BRD1: variants seen among roughly 807,000 people sequenced by gnomAD.
BRD1 encodes bromodomain containing 1.
BRD1 carries 24 observed loss-of-function variants against 107.7 expected under a neutral mutation model. The observed-to-expected ratio is 0.22, with a 90% CI of 0.16 to 0.31. The LOEUF is 0.31. Among genes scored for constraint, BRD1 ranks in the 10% least tolerant of loss-of-function variants. BRD1 has a pLI of 1.00. For missense variants in BRD1, 1,279 were observed against 1,638.6 expected (o/e 0.78, Z 3.79); for synonymous variants, 744 against 686.1 (o/e 1.08, Z -1.32).
intron 4 of BRD1, 75 bp downstream of exon 4, chr22:49,798,913 C>CT: frequency 1.3e-6 from 2 of 1,524,424 alleles, no homozygotes; most frequent in Non-Finnish European, 1.8e-6. Context: ...AGCCCACCCT[C>CT]TGCAGGAGCT....
intron 2 of BRD1, chr22:49,817,716 T>C (rs2059980863): frequency 4.7e-6 from 1 of 211,620 alleles, no homozygotes. Context: ...ATTCCAGGGG[T>C]CAATGTTTCT....
At position 49,787,449 on chromosome 22, in the gene BRD1, C is replaced by T. The variant is rs140147452; in HGVS notation, c.2798G>A (p.Arg933Gln). 28 of 1,614,064 alleles carry T rather than the reference C, an allele frequency of 1.7e-5. No individual in the cohort carries two copies. Among genetic ancestry groups the T allele is most frequent in the Non-Finnish European group, 2.2e-5 (26 of 1,180,052 alleles). ...CACCTCGGAGTCTCCGCATGTGCTC[C>T]GCGACCTTTTCCTTGGCTGCAGAAG... ...ETLLQPRKRS[R>Q]STCGDSEVEE... is the part of the protein sequence containing the mutation. The change falls in exon 8 of 13, where the codon CGG becomes CAG. Residue 933 changes from arginine (R) to glutamine (Q), a missense_variant. This residue lies in a region of BRD1 where 263 missense variants were observed against 251.6 expected (regional missense o/e 1.05). Coordinates refer to ENST00000404760, the MANE Select transcript of BRD1 (RefSeq NM_001304808.3).
intron 8 of BRD1, among the ~76,000 whole-genome samples, chr22:49,782,672 T>A (rs1021850167): frequency 6.9e-6 from 1 of 145,588 alleles, no homozygotes; most frequent in Non-Finnish European, 1.5e-5. Flanking sequence ...TCCGCGACAA[T>A]GCAGCTGGGA....
intron 8 of BRD1, among the ~76,000 whole-genome samples, chr22:49,782,819 G>C (rs1028167027): frequency 7.2e-6 from 1 of 139,100 alleles, no homozygotes; most frequent in African/African-American, 2.8e-5. Flanking sequence ...AGCTGGGACG[G>C]TCAGAGACAG....
rs145348828 is a variant in BRD1, at chr22:49,785,309, G to A, written c.2857+2081C>T. ...TCCTGCTGAGTGTCGACGGGAGGCCGCCTCAAACCCCAGCCCCACGGCCGG... is the reference window on the plus strand; with the variant it reads ...TCCTGCTGAGTGTCGACGGGAGGCCACCTCAAACCCCAGCCCCACGGCCGG... On this transcript the variant is annotated intron_variant, in intron 8 of 12. Coordinates refer to ENST00000404760, the MANE Select transcript of BRD1 (RefSeq NM_001304808.3). Among the ~76,000 whole-genome samples the A allele has an allele frequency of 1.7e-3, 253 of 152,346 alleles. 1 individual carries two copies. The highest frequency in any genetic ancestry group is 3.8e-3 in the African/African-American group (160 of 41,590).
chr22:49,806,459 AG>A (rs1340317514), intron 2 of BRD1: 3 of 152,254 alleles, frequency 2.0e-5, no homozygotes, highest in African/African-American at 7.2e-5. Flanking sequence ...AATTAGAGTG[AG>A]GAAGAGCATG....
In BRD1 at chr22:49,799,017, G is replaced by T. The variant is rs774744137; in HGVS notation, c.1627C>A (p.Arg543Ser). 1.2e-6 allele frequency: 2 copies of T among 1,610,518 alleles called. No homozygotes were observed. Among genetic ancestry groups the T allele is most frequent in the Non-Finnish European group, 1.7e-6 (2 of 1,179,526 alleles). The change falls in exon 4 of 13, where the codon CGC becomes AGC. Residue 543 changes from arginine (R) to serine (S), a missense_variant. Transcript: ENST00000404760. ...ERARLLIELL[R>S]KREKLKREQV... is the part of the protein sequence containing the mutation. ...TCACGCTTGAGCTTCTCCCGCTTGC[G>T]CAGCAGCTCGATCAGCAGGCGAGCG...
At chr22:49,775,381 C>T (rs371600331) in intron 12 of BRD1, 38 of 412,272 alleles carry the variant, frequency 9.2e-5, no homozygotes, top group South Asian at 4.6e-4. Context: ...GAGACAGACC[C>T]GGTGCTCAGT....
In BRD1 at chr22:49,774,289, T is replaced by C. The variant is rs941687537; in HGVS notation, c.3514A>G (p.Asn1172Asp). 1.2e-6 allele frequency: 2 copies of C among 1,614,118 alleles called. No homozygotes were observed. Among genetic ancestry groups the C allele is most frequent in the African/African-American group, 1.3e-5 (1 of 74,956 alleles). The change falls in exon 13 of 13, where the codon AAC becomes GAC. Residue 1172 changes from asparagine (N) to aspartate (D), a missense_variant. Coordinates refer to ENST00000404760, the MANE Select transcript of BRD1 (RefSeq NM_001304808.3). ...AVRIAFDRAM[N>D]HLSRVHGEPT... is the part of the protein sequence containing the mutation. ...TCCCCGTGGACGCGGCTCAGGTGGT[T>C]CATGGCGCGGTCAAAAGCGATCCGC...
rs1470807304 is a variant in BRD1 at position 49,794,168 on chromosome 22, T to A, written c.2225A>T (p.Lys742Met). Residue 742 changes from lysine to methionine, a missense_variant, in exon 7 of 13, where the codon AAG becomes ATG. By Grantham distance (95) the Lys-to-Met change is moderately conservative. Transcript: ENST00000404760. ...AAGGGCAATTTCCTTTTTGAGCAGCTTTGCCCGCTTGCTCCGGGAGCCGCT... is the reference window on the plus strand; with the variant it reads ...AAGGGCAATTTCCTTTTTGAGCAGCATTGCCCGCTTGCTCCGGGAGCCGCT... ...KSSGSRSKRA[K>M]LLKKEIALLR... 6.2e-7 allele frequency: 1 copy of A among 1,614,130 alleles called. No individual in the cohort carries two copies. Among genetic ancestry groups the A allele is most frequent in the Non-Finnish European group, 8.5e-7 (1 of 1,180,054 alleles).
At chr22:49,813,528 T>C (rs966659760) in intron 2 of BRD1, among the ~76,000 whole-genome samples, 2 of 151,564 alleles carry the variant, frequency 1.3e-5, no homozygotes, top group East Asian at 4.0e-4. Flanking sequence ...AGCCTTTTAT[T>C]TTTATTAAAA....
intron 11 of BRD1, 80 bp from the exon 12 acceptor site, chr22:49,775,825 GCC>G: frequency 1.1e-6 from 1 of 937,092 alleles, no homozygotes; most frequent in African/African-American, 3.8e-5. Flanking sequence ...ACCCCCCCCC[GCC>G]TCCCCACCCC....
intron 2 of BRD1, among the ~76,000 whole-genome samples, chr22:49,814,162 G>A (rs553586367): frequency 6.6e-6 from 1 of 152,166 alleles, no homozygotes; most frequent in African/African-American, 2.4e-5. Flanking sequence ...AGAACAGGGG[G>A]CTCTCTCCAA....
intron 4 of BRD1, 78 bp downstream of exon 4, chr22:49,798,910 C>G: frequency 6.6e-7 from 1 of 1,517,630 alleles, no homozygotes; most frequent in East Asian, 2.3e-5. Context: ...TGCAGCCCAC[C>G]CTCTGCAGGA....
chr22:49,823,972 C>T lies in BRD1; in HGVS notation c.346G>A (p.Ala116Thr), dbSNP rs1392806513. ...SAHGTPASAS[A>T]LPEPKVRIVE... ...ATGCGCACCTTGGGCTCCGGGAGGG[C>T]ACTGGCCGAGGCCGGCGTGCCGTGG... Residue 116 changes from alanine to threonine, a missense_variant, in exon 2 of 13, where the codon GCC becomes ACC. Transcript: ENST00000404760. The T allele has an allele frequency of 1.2e-6, 2 of 1,614,038 alleles. No individual in the cohort carries two copies. Among genetic ancestry groups the T allele is most frequent in the East Asian group, 4.5e-5 (2 of 44,874 alleles).
At chr22:49,779,035 A>T (rs571040549) in intron 8 of BRD1, among the ~76,000 whole-genome samples, 2 of 152,190 alleles carry the variant, frequency 1.3e-5, no homozygotes, top group African/African-American at 4.8e-5. Flanking sequence ...TTTTAAATCT[A>T]TTTCCAAAGG....
In BRD1 at chr22:49,792,076, C is replaced by T. The variant is rs2059445731; in HGVS notation, c.2359+1958G>A. On this transcript the variant is annotated intron_variant, in intron 7 of 12. Coordinates refer to ENST00000404760, the MANE Select transcript of BRD1 (RefSeq NM_001304808.3). The surrounding 1 kb of genome is among the most constrained non-coding windows in gnomAD (Gnocchi z 4.2). ...CAGCGGAGGGCCAAGCAGCTCCAAC[C>T]ATGCGAGGTCCTCAACCATGCGAGG... Among the ~76,000 whole-genome samples, 1 of 152,130 alleles carries T rather than the reference C, an allele frequency of 6.6e-6. No homozygotes were observed. The highest frequency in any genetic ancestry group is 2.1e-4 in the South Asian group (1 of 4,826).
chr22:49,809,027 G>A (rs531637297), intron 2 of BRD1, among the ~76,000 whole-genome samples: 2 of 152,150 alleles, frequency 1.3e-5, no homozygotes, highest in Non-Finnish European at 2.9e-5. Context: ...ACTGAGGCAG[G>A]AGAACTGCTT....
intron 2 of BRD1, among the ~76,000 whole-genome samples, chr22:49,820,147 A>G (rs1237547114): frequency 6.6e-6 from 1 of 152,222 alleles, no homozygotes; most frequent in Non-Finnish European, 1.5e-5. Context: ...AGGGGGGAAA[A>G]AAAAGAACTA....
Sources: allele counts gnomAD v4.1 joint callset (sites outside exome capture counted in the v4.1 genomes callset), GRCh38; gene constraint gnomAD v4.1.1; regional missense constraint gnomAD v4.1.1; non-coding constraint Gnocchi (gnomAD v3.1); transcripts MANE v1.5; gene names NCBI Gene and HGNC (gene_info 2026-07-23, HGNC 2026-07-21).